NELL2: variants seen among roughly 807,000 people sequenced by gnomAD.
NELL2 encodes the protein protein kinase C-binding protein NELL2.
Under a neutral mutation model 109.6 loss-of-function variants are expected in NELL2, and 41 were observed. The observed-to-expected ratio is 0.37, with a 90% CI of 0.29 to 0.49. The LOEUF is 0.49. Among genes scored for constraint, NELL2 ranks in the 20% least tolerant of loss-of-function variants. The pLI is 0.98. For missense variants in NELL2, 900 were observed against 1,008.3 expected (o/e 0.89, Z 1.45); for synonymous variants, 355 against 344.7 (o/e 1.03, Z -0.33).
rs571140204 is a variant in NELL2 at position 44,779,794 on chromosome 12, T to C, written c.510-35A>G. Reference sequence around the variant, plus strand: ...AGAAACATCAAAGAAGGAACGTGAGTAGACAGTCATTTCTTAGAATCTTCC... The same window carrying C: ...AGAAACATCAAAGAAGGAACGTGAGCAGACAGTCATTTCTTAGAATCTTCC... On this transcript the variant is annotated intron_variant, in intron 4 of 19. Coordinates refer to ENST00000429094, the MANE Select transcript of NELL2 (RefSeq NM_001145108.2). The C allele has an allele frequency of 3.0e-5, 48 of 1,613,056 alleles. No individual in the cohort carries two copies. The South Asian group carries it at 3.3e-4, about 11-fold the overall frequency.
chr12:44,917,645 G>T (rs916149855), upstream of NELL2, among the ~76,000 whole-genome samples: 1 of 152,176 alleles, frequency 6.6e-6, no homozygotes, highest in South Asian at 2.1e-4. Context: ...AAAGGATTTT[G>T]CAGAGGTAAT....
chr12:44,665,730 CATG>C lies in NELL2; in HGVS notation c.1319-124_1319-122del, dbSNP rs1947902584. 7 of 1,113,250 alleles carry C rather than the reference CATG, an allele frequency of 6.3e-6. No homozygotes were observed. The South Asian group carries it at 1.8e-4, about 28-fold the overall frequency. The allele number at this position is 1,113,250 out of a possible 1,614,324, so 69.0% of individuals were successfully genotyped here. A position where few individuals can be genotyped will look rare whatever the true frequency, so the allele number is the denominator to read the frequency against. On this transcript the variant is annotated intron_variant, in intron 12 of 19. Coordinates refer to ENST00000429094, the MANE Select transcript of NELL2 (RefSeq NM_001145108.2). ...ATGAATAGCATTTCAGAAAAGCATT[CATG>C]ATATCTCCTTTGCTAGGAGTGTTTA... is the stretch of plus-strand genomic sequence containing the variant.
chr12:44,795,487 A>G (rs1448283362), intron 3 of NELL2, among the ~76,000 whole-genome samples: 1 of 152,224 alleles, frequency 6.6e-6, no homozygotes, highest in Non-Finnish European at 1.5e-5. Flanking sequence ...TGCCTGAAAC[A>G]TAGCAAGCAC....
At chr12:44,916,248 A>G (rs425857), upstream of NELL2, among the ~76,000 whole-genome samples, 2,762 of 152,312 alleles carry the variant, frequency 0.018, 99 homozygotes, top group African/African-American at 0.063. Flanking sequence ...GAAGCTGAGA[A>G]ATAATTTAAA....
At position 44,711,334 on chromosome 12, in the gene NELL2, G is replaced by A. The variant is rs1197781747; in HGVS notation, c.1147C>T (p.His383Tyr). 6 of 1,612,628 alleles carry A rather than the reference G, an allele frequency of 3.7e-6. No individual in the cohort carries two copies. Among genetic ancestry groups the A allele is most frequent in the Non-Finnish European group, 4.2e-6 (5 of 1,178,958 alleles). The change falls in exon 11 of 20, where the codon CAT becomes TAT. Residue 383 changes from histidine (H) to tyrosine (Y), a missense_variant. Around this residue, in one of 4 missense-constraint regions of NELL2, gnomAD observed 292 missense variants for 265.3 expected, o/e 1.10. Coordinates refer to ENST00000429094, the MANE Select transcript of NELL2 (RefSeq NM_001145108.2). ...GCPALDCPES[H>Y]QITLSHSCCK... is the part of the protein sequence containing the mutation. The stretch of plus-strand genomic sequence containing the variant: ...CAGCTGTGAGACAAGGTTATCTGAT[G>A]AGACTCTGGACAATCCAAAGCTGGA...
intron 9 of NELL2, among the ~76,000 whole-genome samples, chr12:44,741,526 C>T (rs1939962045): frequency 6.6e-6 from 1 of 152,214 alleles, no homozygotes; most frequent in Admixed American, 6.5e-5. Flanking sequence ...CCGGGAAGTG[C>T]AAGGGGTCAG....
chr12:44,873,970 T>C (rs1475188672), intron 2 of NELL2, among the ~76,000 whole-genome samples: 5 of 152,148 alleles, frequency 3.3e-5, no homozygotes, highest in East Asian at 3.8e-4. Context: ...AAACAATAAT[T>C]TTTAAGCCAG....
At chr12:44,571,764 C>T (rs1943879389) in intron 15 of NELL2, among the ~76,000 whole-genome samples, 1 of 152,166 alleles carries the variant, frequency 6.6e-6, no homozygotes, top group Non-Finnish European at 1.5e-5. Context: ...CTTGGGGTCC[C>T]ATGACGATAA....
At chr12:44,786,080 A>C (rs4291732) in intron 3 of NELL2, among the ~76,000 whole-genome samples, 35,931 of 152,014 alleles carry the variant, frequency 0.24, 4,529 homozygotes, top group South Asian at 0.3. Flanking sequence ...CTATCATCAG[A>C]GTGAATAGGC....
At chr12:44,649,932 A>T (rs2136314651) in intron 13 of NELL2, among the ~76,000 whole-genome samples, 1 of 152,336 alleles carries the variant, frequency 6.6e-6, no homozygotes, top group Admixed American at 6.5e-5. Flanking sequence ...GAATGTGGAA[A>T]GAATTACTGC....
chr12:44,561,679 C>T (rs1030343947), intron 15 of NELL2, among the ~76,000 whole-genome samples: 1 of 152,104 alleles, frequency 6.6e-6, no homozygotes, highest in Non-Finnish European at 1.5e-5. Context: ...AGGACACAAA[C>T]AAAGGTAAAA....
At chr12:44,650,228 C>T (rs927867329) in intron 13 of NELL2, among the ~76,000 whole-genome samples, 5 of 151,934 alleles carry the variant, frequency 3.3e-5, no homozygotes, top group Non-Finnish European at 5.9e-5. Context: ...AAAGATATTA[C>T]ATCTATTGAA....
At chr12:44,826,206 T>G (rs954529052) in intron 2 of NELL2, among the ~76,000 whole-genome samples, 1 of 152,214 alleles carries the variant, frequency 6.6e-6, no homozygotes, top group Non-Finnish European at 1.5e-5. Context: ...AATGAGTTTC[T>G]GCCCACTGCA....
chr12:44,669,915 G>A (rs1948079353), intron 12 of NELL2, among the ~76,000 whole-genome samples: 2 of 152,162 alleles, frequency 1.3e-5, no homozygotes. Context: ...TTCCCAGATA[G>A]CTGTAATTCA....
intron 9 of NELL2, among the ~76,000 whole-genome samples, chr12:44,734,542 TC>T (rs1166363269): frequency 1.3e-5 from 2 of 151,888 alleles, no homozygotes; most frequent in Admixed American, 6.6e-5. Context: ...TTGATTTTTG[TC>T]CCCCCTGCTT....
chr12:44,715,813 G>A (rs1435379434), intron 9 of NELL2, among the ~76,000 whole-genome samples: 1 of 152,056 alleles, frequency 6.6e-6, no homozygotes, highest in Non-Finnish European at 1.5e-5. Context: ...TATATAAAGT[G>A]AATGGGTATA....
At chr12:44,588,846 T>C (rs73282400) in intron 15 of NELL2, among the ~76,000 whole-genome samples, 18,488 of 152,264 alleles carry the variant, frequency 0.12, 1,300 homozygotes, top group African/African-American at 0.17. Context: ...GTATCCATTA[T>C]GCAATAATTC....
chr12:44,764,927 T>C (rs1040830194), intron 9 of NELL2, among the ~76,000 whole-genome samples: 3 of 151,816 alleles, frequency 2.0e-5, no homozygotes, highest in African/African-American at 4.8e-5. Context: ...TCCTTGCTAA[T>C]TGAAGCATGT....
intron 15 of NELL2, among the ~76,000 whole-genome samples, chr12:44,598,076 T>C (rs1386064206): frequency 6.6e-6 from 1 of 150,554 alleles, no homozygotes; most frequent in African/African-American, 2.4e-5. Flanking sequence ...TGGCCCAAAA[T>C]CCATTATTTG....
Sources: allele counts gnomAD v4.1 joint callset (sites outside exome capture counted in the v4.1 genomes callset), GRCh38; gene constraint gnomAD v4.1.1; regional missense constraint gnomAD v4.1.1; transcripts MANE v1.5; gene names NCBI Gene and HGNC (gene_info 2026-07-23, HGNC 2026-07-21).